PACC1: variants seen among roughly 807,000 people sequenced by gnomAD.
PACC1 encodes the protein proton activated chloride channel 1, also known as proton-activated chloride channel.
In PACC1, 34 loss-of-function variants were observed where a neutral mutation model predicts 39.7. The observed-to-expected ratio is 0.86, with a 90% CI of 0.65 to 1.14. The LOEUF (loss-of-function observed/expected upper bound fraction) is 1.14, where lower values mean the gene tolerates loss of function less well. PACC1 is among the 50% of genes most tolerant of loss of function. The pLI is 0.00. For missense variants in PACC1, 379 were observed against 436.4 expected (o/e 0.87, Z 1.17); for synonymous variants, 127 against 160.6 (o/e 0.79, Z 1.58).
At chr1:212,390,046 A>T (rs1026455914) in intron 2 of PACC1, among the ~76,000 whole-genome samples, 1 of 152,158 alleles carries the variant, frequency 6.6e-6, no homozygotes, top group Non-Finnish European at 1.5e-5. Flanking sequence ...TTGAAGGAAA[A>T]AAAAAACCAA....
At chr1:212,399,597 A>G (rs1218425961) in intron 2 of PACC1, among the ~76,000 whole-genome samples, 1 of 152,042 alleles carries the variant, frequency 6.6e-6, no homozygotes, top group African/African-American at 2.4e-5. Context: ...GCTGGAGCGC[A>G]GTGGCATGAT....
At chr1:212,410,404 C>T in intron 2 of PACC1, 21 bp downstream of exon 2, 1 of 1,611,674 alleles carries the variant, frequency 6.2e-7, no homozygotes, top group Non-Finnish European at 8.5e-7. Context: ...AACAGCACAG[C>T]AAAGCACCAA....
intron 2 of PACC1, among the ~76,000 whole-genome samples, chr1:212,391,490 A>G (rs1425365718): frequency 2.0e-5 from 3 of 152,174 alleles, no homozygotes; most frequent in Admixed American, 1.3e-4. Context: ...AAAGATGGGG[A>G]AAAAAACAGA....
intron 7 of PACC1, among the ~76,000 whole-genome samples, chr1:212,367,580 G>A (rs1660291431): frequency 6.6e-6 from 1 of 152,144 alleles, no homozygotes; most frequent in Non-Finnish European, 1.5e-5. Context: ...TTCAGTGGCA[G>A]CCAGGCCATA....
chr1:212,408,101 C>T (rs1193154083), intron 2 of PACC1, among the ~76,000 whole-genome samples: 2 of 150,882 alleles, frequency 1.3e-5, no homozygotes, highest in Admixed American at 6.6e-5. Flanking sequence ...GAAAACACCA[C>T]TGGTGTAGTA....
intron 1 of PACC1, among the ~76,000 whole-genome samples, chr1:212,412,401 T>G (rs1255183981): frequency 6.6e-6 from 1 of 152,200 alleles, no homozygotes; most frequent in Non-Finnish European, 1.5e-5. Context: ...CCTGCCTCCT[T>G]GCCTGCCCCT....
chr1:212,409,421 G>T (rs1391386022), intron 2 of PACC1, among the ~76,000 whole-genome samples: 2 of 152,060 alleles, frequency 1.3e-5, no homozygotes, highest in African/African-American at 4.8e-5. Context: ...GTGAATTCCA[G>T]GCAGAGAAAT....
At chr1:212,406,270 A>G (rs886364205) in intron 2 of PACC1, among the ~76,000 whole-genome samples, 1 of 152,122 alleles carries the variant, frequency 6.6e-6, no homozygotes, top group African/African-American at 2.4e-5. Flanking sequence ...TAATCCCAGC[A>G]CTTTGGGAAG....
At chr1:212,391,960 C>T (rs1391756001) in intron 2 of PACC1, among the ~76,000 whole-genome samples, 6 of 152,148 alleles carry the variant, frequency 3.9e-5, no homozygotes, top group South Asian at 2.1e-4. Flanking sequence ...ACCAAATCTA[C>T]GTCTGATTGG....
intron 2 of PACC1, among the ~76,000 whole-genome samples, chr1:212,390,429 G>GAAAAAAAAAAAAAAAAAAAAAAAAAAAAA (rs569040186): frequency 1.4e-5 from 1 of 73,912 alleles, no homozygotes; most frequent in Non-Finnish European, 3.2e-5. Context: ...ATCTCAAAAA[G>GAAAAAAAAAAAAAAAAAAAAAAAAAAAAA]AAAAAAAAAA....
chr1:212,399,516 C>T (rs112067910), intron 2 of PACC1, among the ~76,000 whole-genome samples: 24,706 of 151,478 alleles, frequency 0.16, 2,755 homozygotes, highest in East Asian at 0.39. Flanking sequence ...GGCTGGAGTG[C>T]GCTGGTGTGA....
intron 7 of PACC1, among the ~76,000 whole-genome samples, chr1:212,368,135 T>G (rs1660309789): frequency 6.6e-6 from 1 of 152,134 alleles, no homozygotes; most frequent in African/African-American, 2.4e-5. Context: ...TATCTAGAAG[T>G]CTACAAGATA....
rs1196939860 is a variant in PACC1 at position 212,364,257 on chromosome 1, T to C, written c.*958A>G. The C allele has an allele frequency of 6.6e-6, 1 of 152,146 alleles. No individual in the cohort carries two copies. The highest frequency in any genetic ancestry group is 1.5e-5 in the Non-Finnish European group (1 of 68,030). 9.4% of individuals were successfully genotyped at this position (152,146 alleles called of 1,614,324 possible). A position where few individuals can be genotyped will look rare whatever the true frequency, so the allele number is the denominator to read the frequency against. ...TAGTTTTGTGGACACAGTAAAGAGT[T>C]AACCCAGCTTCCTCGGGGACACCAG... is the stretch of plus-strand genomic sequence containing the variant. On this transcript the variant is annotated 3_prime_UTR_variant, in exon 8 of 8. Transcript: ENST00000261455.
intron 2 of PACC1, among the ~76,000 whole-genome samples, chr1:212,388,084 A>C (rs1010822861): frequency 1.2e-4 from 18 of 151,920 alleles, no homozygotes; most frequent in African/African-American, 3.9e-4. Context: ...AAAAGAAAGA[A>C]AGACATTTTC....
chr1:212,399,148 G>A lies in PACC1; in HGVS notation c.133+11277C>T, dbSNP rs141742527. Among the ~76,000 whole-genome samples, 657 of 152,300 alleles carry A rather than the reference G, an allele frequency of 4.3e-3. 1 individual carries two copies. The highest frequency in any genetic ancestry group is 0.014 in the Middle Eastern group (4 of 294). ...GAGTACCAGCTTACTACATTCTAAC[G>A]GGGTTTGAAAAGATCACAAGATAAA... On this transcript the variant is annotated intron_variant, in intron 2 of 7. Transcript: ENST00000261455.
intron 6 of PACC1, 64 bp downstream of exon 6, chr1:212,377,498 C>T: frequency 3.1e-6 from 5 of 1,599,930 alleles, no homozygotes; most frequent in Non-Finnish European, 4.3e-6. Context: ...CAAAGCTTCC[C>T]TCCACCTCAG....
chr1:212,414,490 A>T (rs920351441), intron 1 of PACC1, among the ~76,000 whole-genome samples: 1 of 152,012 alleles, frequency 6.6e-6, no homozygotes, highest in South Asian at 2.1e-4. Context: ...GACCTCGGCC[A>T]TGCAACCCGC....
rs572437902 is a variant in PACC1, at chr1:212,406,418, A to G, written c.133+4007T>C. On this transcript the variant is annotated intron_variant, in intron 2 of 7. Coordinates refer to ENST00000261455, the MANE Select transcript of PACC1 (RefSeq NM_018252.3). ...TATAATCCAGCTACTCAAGAGGCTG[A>G]GGCATGAGGACTGCTTGAACTCAGG... 5.3e-5 allele frequency among the ~76,000 whole-genome samples: 8 copies of G among 152,290 alleles called. No homozygotes were observed. In the South Asian group the frequency reaches 1.2e-3, roughly 24 times the overall value.
chr1:212,366,306 T>TG (rs1660241130), intron 7 of PACC1, among the ~76,000 whole-genome samples: 1 of 146,906 alleles, frequency 6.8e-6, no homozygotes, highest in Non-Finnish European at 1.5e-5. Context: ...AATACTTTTT[T>TG]TTTTTTTTTT....
Sources: gnomAD v4.1 joint callset for allele counts (sites outside exome capture counted in the v4.1 genomes callset) on GRCh38, gnomAD v4.1.1 for gene constraint, MANE v1.5 for transcripts, NCBI Gene and HGNC (gene_info 2026-07-23, HGNC 2026-07-21) for gene names.